ENTREP1: variants seen among roughly 807,000 people sequenced by gnomAD.
ENTREP1 encodes Friedreich ataxia region gene X123.
the ENTREP1 span, among the ~76,000 whole-genome samples, chr9:69,365,222 C>T: frequency 3.3e-5 from 5 of 152,116 alleles, no homozygotes; most frequent in South Asian, 6.2e-4. Context: ...AACATTCTTC[C>T]GTGTGTTTCC....
At chr9:69,334,404 A>T in the ENTREP1 span, among the ~76,000 whole-genome samples, 1 of 152,196 alleles carries the variant, frequency 6.6e-6, no homozygotes, top group African/African-American at 2.4e-5. Context: ...TGCTGGTCTG[A>T]TGCTGCAGAA....
chr9:69,325,856 G>A, the ENTREP1 span: 6 of 1,187,354 alleles, frequency 5.1e-6, no homozygotes, highest in Non-Finnish European at 6.3e-6. Context: ...GAAGTTTTTG[G>A]AGGCTGGAGA....
the ENTREP1 span, chr9:69,324,991 G>A: frequency 1.0e-6 from 1 of 985,380 alleles, no homozygotes; most frequent in Non-Finnish European, 1.2e-6. Flanking sequence ...AGCCGGCGCA[G>A]GTTCGGCGGG....
the ENTREP1 span, among the ~76,000 whole-genome samples, chr9:69,368,131 C>T: frequency 4.0e-5 from 6 of 151,802 alleles, no homozygotes; most frequent in Admixed American, 3.3e-4. Context: ...AAGATTATGT[C>T]ATCTGCAAAG....
the ENTREP1 span, chr9:69,380,189 A>G: frequency 6.6e-6 from 1 of 152,344 alleles, no homozygotes; most frequent in South Asian, 2.1e-4. Context: ...TTATTTTTGG[A>G]AATTTTACCA....
chr9:69,391,973 C>G, the ENTREP1 span: 2 of 651,772 alleles, frequency 3.1e-6, no homozygotes, highest in Non-Finnish European at 5.4e-6. Flanking sequence ...AGTAAATGCA[C>G]AGGTCGGTCC....
chr9:69,378,377 C>T, the ENTREP1 span, among the ~76,000 whole-genome samples: 1 of 152,070 alleles, frequency 6.6e-6, no homozygotes, highest in Non-Finnish European at 1.5e-5. Flanking sequence ...AAATTTTGAC[C>T]TTCTTAAATA....
the ENTREP1 span, among the ~76,000 whole-genome samples, chr9:69,373,851 T>C: frequency 0.014 from 2,198 of 152,316 alleles, 33 homozygotes; most frequent in South Asian, 0.031. Context: ...ATCTTAAGTG[T>C]GCAGTTCATT....
the ENTREP1 span, chr9:69,388,118 G>C: frequency 6.2e-7 from 1 of 1,613,850 alleles, no homozygotes; most frequent in Non-Finnish European, 8.5e-7. Flanking sequence ...GTTCAAAAGG[G>C]GTTGGCCAAT....
chr9:69,345,949 C>T, the ENTREP1 span, among the ~76,000 whole-genome samples: 2 of 151,690 alleles, frequency 1.3e-5, no homozygotes, highest in Non-Finnish European at 2.9e-5. Flanking sequence ...TGCATTTATC[C>T]CACACCCAAA....
chr9:69,377,455 T>C, the ENTREP1 span: 1 of 1,613,916 alleles, frequency 6.2e-7, no homozygotes, highest in Non-Finnish European at 8.5e-7. Context: ...CTCCAGATAT[T>C]CGCAACCAGG....
At chr9:69,349,185 A>C in the ENTREP1 span, among the ~76,000 whole-genome samples, 14 of 3,638 alleles carry the variant, frequency 3.8e-3, no homozygotes, top group African/African-American at 0.033. Context: ...ACTCCATCTC[A>C]AAAAAAAAAA....
chr9:69,388,009 C>T, the ENTREP1 span: 2 of 1,540,442 alleles, frequency 1.3e-6, no homozygotes, highest in African/African-American at 1.4e-5. Context: ...GTTTTCCCTC[C>T]TTCTGCAAGA....
chr9:69,367,800 AATAT>A, the ENTREP1 span, among the ~76,000 whole-genome samples: 1 of 92,066 alleles, frequency 1.1e-5, no homozygotes, highest in Non-Finnish European at 2.2e-5. Context: ...CATATATATA[AATAT>A]ATATACACAC....
At chr9:69,355,746 G>A in the ENTREP1 span, among the ~76,000 whole-genome samples, 23 of 152,254 alleles carry the variant, frequency 1.5e-4, no homozygotes, top group Middle Eastern at 3.4e-3. Flanking sequence ...TGACTGCCCC[G>A]GACCTCCGTG....
the ENTREP1 span, chr9:69,380,320 A>C: frequency 6.6e-6 from 1 of 152,266 alleles, no homozygotes; most frequent in Non-Finnish European, 1.5e-5. Flanking sequence ...GTATAAATCA[A>C]CTTTATAGAC....
chr9:69,354,936 A>G, the ENTREP1 span, among the ~76,000 whole-genome samples: 87 of 152,266 alleles, frequency 5.7e-4, 1 homozygote, highest in South Asian at 0.017. Flanking sequence ...CCCTCCTTTG[A>G]GATATTAGAT....
chr9:69,340,761 GCA>G, the ENTREP1 span, among the ~76,000 whole-genome samples: 23 of 41,146 alleles, frequency 5.6e-4, no homozygotes, highest in South Asian at 9.4e-4. Context: ...GTGTGTGCGT[GCA>G]TGTGTGTGTG....
the ENTREP1 span, among the ~76,000 whole-genome samples, chr9:69,341,329 T>C: frequency 6.6e-6 from 1 of 152,200 alleles, no homozygotes; most frequent in Non-Finnish European, 1.5e-5. Context: ...CTGTGGCTCC[T>C]GTTGATTTGC....
Sources: allele counts gnomAD v4.1 joint callset (sites outside exome capture counted in the v4.1 genomes callset), GRCh38; gene constraint gnomAD v4.1.1; transcripts MANE v1.5; gene names NCBI Gene and HGNC (gene_info 2026-07-23, HGNC 2026-07-21).